Variants in ITCH observed in about 807,000 individuals in gnomAD.
ITCH encodes E3 ubiquitin-protein ligase Itchy homolog.
Under a neutral mutation model 126.8 loss-of-function variants are expected in ITCH, and 28 were observed. The ratio of observed to expected loss-of-function variants is 0.22; its 90% confidence interval spans 0.16 to 0.30. The LOEUF is 0.30. Ranked by LOEUF, ITCH falls within the 10% of genes least tolerant of loss-of-function variation. The probability of loss-of-function intolerance (pLI) is 1.00; values close to 1 mark genes in which losing one functional copy is unlikely to be tolerated. For synonymous variants in ITCH, 342 were observed against 340.0 expected (o/e 1.01, Z -0.06); for missense variants, 631 against 1,032.4 (o/e 0.61, Z 5.33).
chr20:34,428,477 A>G (rs1981848955), intron 7 of ITCH, among the ~76,000 whole-genome samples: 1 of 152,140 alleles, frequency 6.6e-6, no homozygotes, highest in Admixed American at 6.5e-5. Flanking sequence ...TATGTTTCTC[A>G]GTGTTGTCTT....
chr20:34,494,476 CTTTA>C (rs1427473604), intron 23 of ITCH, among the ~76,000 whole-genome samples: 1 of 152,004 alleles, frequency 6.6e-6, no homozygotes, highest in Non-Finnish European at 1.5e-5. Context: ...AGTTTCAAAT[CTTTA>C]TTCTTTTTTA....
intron 7 of ITCH, among the ~76,000 whole-genome samples, chr20:34,427,650 T>C (rs1981727439): frequency 1.3e-5 from 2 of 152,268 alleles, no homozygotes; most frequent in South Asian, 4.1e-4. Context: ...AAAAATTACA[T>C]AAATATCTGT....
chr20:34,506,094 T>G (rs888900248), intron 24 of ITCH, among the ~76,000 whole-genome samples: 9 of 152,100 alleles, frequency 5.9e-5, no homozygotes, highest in Non-Finnish European at 1.3e-4. Context: ...GAGACATGTC[T>G]CAGTCTGTCA....
intron 1 of ITCH, among the ~76,000 whole-genome samples, chr20:34,365,110 G>A (rs2037368915): frequency 6.6e-6 from 1 of 151,972 alleles, no homozygotes; most frequent in African/African-American, 2.4e-5. Context: ...TGAGGTGGGG[G>A]AATCACCTGA....
chr20:34,464,365 T>G (rs898194466), intron 14 of ITCH, among the ~76,000 whole-genome samples: 13 of 150,454 alleles, frequency 8.6e-5, no homozygotes, highest in African/African-American at 3.2e-4. Flanking sequence ...TTGCCCACTC[T>G]TTTTGCCCAG....
chr20:34,465,014 A>G (rs1195486507), intron 14 of ITCH, among the ~76,000 whole-genome samples: 1 of 152,082 alleles, frequency 6.6e-6, no homozygotes, highest in Admixed American at 6.6e-5. Flanking sequence ...CTGGCCTGAG[A>G]GTTCTTTAAT....
At chr20:34,446,399 A>G (rs930895883) in intron 11 of ITCH, among the ~76,000 whole-genome samples, 2 of 152,044 alleles carry the variant, frequency 1.3e-5, no homozygotes, top group African/African-American at 4.8e-5. Context: ...CCTTTTCTTC[A>G]TATTCTTGTC....
At chr20:34,478,975 A>G (rs1485291138) in intron 17 of ITCH, among the ~76,000 whole-genome samples, 2 of 152,170 alleles carry the variant, frequency 1.3e-5, no homozygotes, top group Admixed American at 6.5e-5. Flanking sequence ...CTTATGCCAC[A>G]TGTATTACCC....
chr20:34,416,275 G>C (rs1475526795), intron 6 of ITCH, among the ~76,000 whole-genome samples: 6 of 152,194 alleles, frequency 3.9e-5, no homozygotes, highest in Non-Finnish European at 8.8e-5. Context: ...GCGCATGCCT[G>C]TAATCCCAGC....
At chr20:34,455,741 G>A (rs900520752) in intron 12 of ITCH, among the ~76,000 whole-genome samples, 2 of 151,652 alleles carry the variant, frequency 1.3e-5, no homozygotes, top group East Asian at 1.9e-4. Flanking sequence ...GCCTCCCAAC[G>A]TGCTAGAATT....
intron 3 of ITCH, among the ~76,000 whole-genome samples, chr20:34,400,425 T>C (rs1828736394): frequency 2.6e-5 from 4 of 152,068 alleles, no homozygotes; most frequent in Non-Finnish European, 5.9e-5. Flanking sequence ...GGAGACAGCA[T>C]GAGCAAGACA....
intron 22 of ITCH, among the ~76,000 whole-genome samples, chr20:34,491,722 G>C (rs903180948): frequency 6.6e-6 from 1 of 152,068 alleles, no homozygotes; most frequent in African/African-American, 2.4e-5. Context: ...TTTTGGCTGA[G>C]GCAAAACAGT....
At chr20:34,463,181 G>C (rs1986705054) in intron 14 of ITCH, among the ~76,000 whole-genome samples, 1 of 152,146 alleles carries the variant, frequency 6.6e-6, no homozygotes, top group South Asian at 2.1e-4. Context: ...TGGTCAACAT[G>C]GCAAAACCCC....
intron 20 of ITCH, among the ~76,000 whole-genome samples, chr20:34,484,734 C>T (rs931814894): frequency 3.3e-5 from 5 of 152,120 alleles, no homozygotes; most frequent in Admixed American, 6.5e-5. Flanking sequence ...ATAAAATGCA[C>T]TGATCTTAAG....
chr20:34,408,888 T>C, intron 4 of ITCH, 96 bp downstream of exon 4: 1 of 1,251,426 alleles, frequency 8.0e-7, no homozygotes, highest in South Asian at 1.3e-5. Context: ...TTTTTGTTGT[T>C]GTTGTTCCTC....
chr20:34,408,897 T>A, intron 4 of ITCH, 105 bp downstream of exon 4: 1 of 1,138,452 alleles, frequency 8.8e-7, no homozygotes, highest in Non-Finnish European at 1.3e-6. Flanking sequence ...TTGTTGTTCC[T>A]CCTTTCTCTC....
intron 2 of ITCH, among the ~76,000 whole-genome samples, chr20:34,375,672 A>C (rs1031524598): frequency 2.9e-5 from 4 of 139,452 alleles, no homozygotes; most frequent in Non-Finnish European, 6.1e-5. Context: ...TTGGGAATAC[A>C]CTCACAATGT....
intron 4 of ITCH, among the ~76,000 whole-genome samples, chr20:34,411,681 A>G (rs1268817898): frequency 1.3e-5 from 2 of 152,178 alleles, no homozygotes; most frequent in African/African-American, 4.8e-5. Flanking sequence ...CACATTAGAG[A>G]GAATGAGATA....
chr20:34,392,830 G>T (rs1364768312), intron 2 of ITCH, among the ~76,000 whole-genome samples: 1 of 152,124 alleles, frequency 6.6e-6, no homozygotes, highest in African/African-American at 2.4e-5. Flanking sequence ...GTGTGCACCA[G>T]TGGTCCCAGC....
Sources: allele counts gnomAD v4.1 joint callset (sites outside exome capture counted in the v4.1 genomes callset), GRCh38; gene constraint gnomAD v4.1.1; transcripts MANE v1.5; gene names NCBI Gene and HGNC (gene_info 2026-07-23, HGNC 2026-07-21).